Variants in ANKRD36 observed in about 807,000 individuals in gnomAD.
ANKRD36 encodes the protein ankyrin repeat domain-containing protein 36A.
In ANKRD36, 179 loss-of-function variants were observed where a neutral mutation model predicts 278.1. The ratio of observed to expected loss-of-function variants is 0.64; its 90% CI spans 0.57 to 0.73. The LOEUF is 0.73. ANKRD36 is among the 30% of genes least tolerant of loss of function. The probability of loss-of-function intolerance (pLI) is 0.00; values close to 1 mark genes in which losing one functional copy is unlikely to be tolerated. For missense variants in ANKRD36, 1,159 were observed against 1,956.7 expected, an observed-to-expected ratio of 0.59 and a Z score of 7.69; for synonymous variants, 320 against 641.1, an observed-to-expected ratio of 0.50 and a Z score of 7.57.
At chr2:97,162,459 G>A (rs2049164925) in intron 18 of ANKRD36, among the ~76,000 whole-genome samples, 1 of 147,958 alleles carries the variant, frequency 6.8e-6, no homozygotes, top group South Asian at 2.1e-4. Flanking sequence ...TAAACTTGTA[G>A]ATCAAAATAT....
At position 97,187,421 on chromosome 2, in the gene ANKRD36, T is replaced by C. The variant is rs778359720; in HGVS notation, c.2143+20T>C. The C allele has an allele frequency of 1.0e-5, 16 of 1,564,476 alleles. No individual in the cohort carries two copies. The Middle Eastern group carries it at 7.5e-4, about 74-fold the overall frequency. Reference sequence around the variant, plus strand: ...GGACAGGTAATTTTGCAAAACACATTCAATGTCATGTTCAATCCAGATAGA... The same window carrying C: ...GGACAGGTAATTTTGCAAAACACATCCAATGTCATGTTCAATCCAGATAGA... On this transcript the variant is annotated intron_variant, in intron 32 of 75. Coordinates refer to ENST00000420699, the MANE Select transcript of ANKRD36 (RefSeq NM_001354587.1).
intron 50 of ANKRD36, among the ~76,000 whole-genome samples, chr2:97,205,219 A>T (rs1417877862): frequency 6.6e-6 from 1 of 151,682 alleles, no homozygotes; most frequent in Non-Finnish European, 1.5e-5. Flanking sequence ...ACTTTGTAGA[A>T]ATATGTCAAA....
At chr2:97,175,603 G>C (rs567101090) in intron 22 of ANKRD36, among the ~76,000 whole-genome samples, 3,569 of 151,552 alleles carry the variant, frequency 0.024, 130 homozygotes, top group African/African-American at 0.081. Context: ...TTTTTGAAGG[G>C]GTTTTTGTGT....
chr2:97,258,168 A>G (rs1308839140), intron 75 of ANKRD36, among the ~76,000 whole-genome samples: 4 of 145,278 alleles, frequency 2.8e-5, no homozygotes, highest in African/African-American at 9.7e-5. Context: ...TTAGCCTTTT[A>G]TTTCAATGTA....
intron 6 of ANKRD36, among the ~76,000 whole-genome samples, chr2:97,139,997 C>T (rs912954198): frequency 1.3e-5 from 2 of 151,698 alleles, no homozygotes; most frequent in African/African-American, 4.8e-5. Context: ...CTGTATTGCT[C>T]TGGTTTTTGT....
chr2:97,224,452 GTTTTTTTTT>G (rs199810806), intron 66 of ANKRD36, among the ~76,000 whole-genome samples: 1 of 137,946 alleles, frequency 7.2e-6, no homozygotes, highest in Non-Finnish European at 1.6e-5. Flanking sequence ...TTGTTTTTTT[GTTTTTTTTT>G]TTTTGAGACA....
chr2:97,190,632 C>T (rs1395225017), intron 34 of ANKRD36, among the ~76,000 whole-genome samples: 2 of 151,494 alleles, frequency 1.3e-5, no homozygotes, highest in Non-Finnish European at 2.9e-5. Flanking sequence ...GTAGCACCTG[C>T]TTTGACATTG....
chr2:97,181,664 G>A (rs544409987), intron 25 of ANKRD36, 38 bp downstream of exon 25: 1 of 1,604,526 alleles, frequency 6.2e-7, no homozygotes, highest in South Asian at 1.1e-5. Flanking sequence ...ACTATTAACT[G>A]TATAGTCTAT....
At chr2:97,129,772 A>G (rs1321600175) in intron 6 of ANKRD36, among the ~76,000 whole-genome samples, 2 of 152,058 alleles carry the variant, frequency 1.3e-5, no homozygotes, top group Non-Finnish European at 2.9e-5. Context: ...GTCAAAGATC[A>G]ATAGTTGTAG....
intron 15 of ANKRD36, among the ~76,000 whole-genome samples, chr2:97,157,765 C>G (rs532516497): frequency 4.7e-5 from 7 of 150,236 alleles, no homozygotes; most frequent in African/African-American, 1.5e-4. Flanking sequence ...GATTAATTGA[C>G]TTTTTATTAT....
intron 68 of ANKRD36, among the ~76,000 whole-genome samples, chr2:97,236,808 TC>T (rs1301128960): frequency 2.3e-4 from 1 of 4,332 alleles, no homozygotes; most frequent in African/African-American, 1.6e-3. Flanking sequence ...AAGCAGACAT[TC>T]CCATGTTCTT....
At position 97,192,177 on chromosome 2, in the gene ANKRD36, C is replaced by T. The variant is rs1319464191; in HGVS notation, c.2348-681C>T. 2.0e-5 allele frequency among the ~76,000 whole-genome samples: 3 copies of T among 151,726 alleles called. No homozygotes were observed. In the East Asian group the frequency reaches 5.9e-4, roughly 30 times the overall value. On this transcript the variant is annotated intron_variant, in intron 36 of 75. Coordinates refer to ENST00000420699, the MANE Select transcript of ANKRD36 (RefSeq NM_001354587.1). The stretch of plus-strand genomic sequence containing the variant: ...GATAATTGATGATTTTTTATTGTGG[C>T]TAATATATTATCCTGTGGTGCCATG...
intron 36 of ANKRD36, among the ~76,000 whole-genome samples, chr2:97,192,052 G>C (rs2058631401): frequency 6.6e-6 from 1 of 151,734 alleles, no homozygotes; most frequent in African/African-American, 2.4e-5. Flanking sequence ...TTAAGTCCTA[G>C]AGTGATCATT....
intron 20 of ANKRD36, among the ~76,000 whole-genome samples, chr2:97,166,379 C>A (rs202168633): frequency 0.042 from 4,647 of 110,512 alleles, no homozygotes; most frequent in South Asian, 0.076. Context: ...CAAGTTAGTC[C>A]ATTTTCTGTA....
chr2:97,168,853 A>G (rs530666939), intron 22 of ANKRD36, among the ~76,000 whole-genome samples: 3 of 152,142 alleles, frequency 2.0e-5, no homozygotes, highest in Middle Eastern at 3.4e-3. Flanking sequence ...TATCCAGTCT[A>G]TCACTGATGG....
intron 40 of ANKRD36, 142 bp from the exon 41 acceptor site, chr2:97,196,451 G>T (rs2059792262): frequency 2.7e-6 from 4 of 1,473,004 alleles, no homozygotes; most frequent in Non-Finnish European, 1.8e-6. Context: ...TCATGTTCTA[G>T]TCCCCAGACA....
intron 6 of ANKRD36, among the ~76,000 whole-genome samples, chr2:97,132,719 T>C (rs907060686): frequency 9.9e-5 from 15 of 152,074 alleles, no homozygotes; most frequent in African/African-American, 3.4e-4. Context: ...GGCTTTGATT[T>C]GTTACAGTGA....
At position 97,185,527 on chromosome 2, in the gene ANKRD36, C is replaced by G; in HGVS notation, c.2041+17C>G. 6.2e-7 allele frequency: 1 copy of G among 1,606,714 alleles called. No homozygotes were observed. The highest frequency in any genetic ancestry group is 8.5e-7 in the Non-Finnish European group (1 of 1,176,016). ...GTGGGACAGGTAATTTTGCAAAACA[C>G]ATTTAATGTCATGTTCAGTCCAGAT... On this transcript the variant is annotated intron_variant, in intron 30 of 75. Coordinates refer to ENST00000420699, the MANE Select transcript of ANKRD36 (RefSeq NM_001354587.1).
At position 97,185,454 on chromosome 2, in the gene ANKRD36, C is replaced by T; in HGVS notation, c.1985C>T (p.Thr662Ile). The part of the protein sequence containing the change: ...QPASKATSDK[T>I]DSALNIATEI... Reference sequence around the variant, plus strand: ...TACTTTCAGGCTACAAGTGACAAGACAGATTCTGCTTTGAATATAGCTACA... The same window carrying T: ...TACTTTCAGGCTACAAGTGACAAGATAGATTCTGCTTTGAATATAGCTACA... Residue 662 changes from threonine (T) to isoleucine (I), a missense_variant, in exon 30 of 76, where the codon ACA (threonine) becomes ATA (isoleucine). Coordinates refer to ENST00000420699, the MANE Select transcript of ANKRD36 (RefSeq NM_001354587.1). 1 of 1,610,706 alleles carries T rather than the reference C, an allele frequency of 6.2e-7. No homozygotes were observed. Among genetic ancestry groups the T allele is most frequent in the South Asian group, 1.1e-5 (1 of 90,690 alleles).
Sources: gnomAD v4.1 joint callset for allele counts (sites outside exome capture counted in the v4.1 genomes callset) on GRCh38, gnomAD v4.1.1 for gene constraint, MANE v1.5 for transcripts, NCBI Gene and HGNC (gene_info 2026-07-23, HGNC 2026-07-21) for gene names.